Variants in OARD1 observed in about 807,000 individuals in gnomAD.
OARD1 encodes the protein O-acyl-ADP-ribose deacylase 1.
Under a neutral mutation model 19.7 loss-of-function variants are expected in OARD1, and 19 were observed. The observed-to-expected ratio is 0.96, with a 90% CI of 0.67 to 1.41. OARD1 has a LOEUF of 1.41. Among genes scored for constraint, OARD1 ranks in the 40% most tolerant of loss-of-function variants. The pLI, the probability that OARD1 is intolerant of heterozygous loss-of-function variation, is 0.00. For synonymous variants in OARD1, 70 were observed against 61.8 expected (o/e 1.13, Z -0.62); for missense variants, 190 against 183.8 (o/e 1.03, Z -0.20).
At chr6:41,091,165 T>G (rs1021976036) in intron 1 of OARD1, among the ~76,000 whole-genome samples, 1 of 152,232 alleles carries the variant, frequency 6.6e-6, no homozygotes, top group East Asian at 1.9e-4. Context: ...AAACAAAGTA[T>G]AAGTTTTAAA....
upstream of OARD1, chr6:41,072,556 A>T (rs943137614): frequency 6.6e-6 from 1 of 151,082 alleles, no homozygotes; most frequent in South Asian, 2.1e-4. Context: ...AAGGCCGCCG[A>T]ACTTCCGGCA....
At chr6:41,084,834 C>A (rs947477907) in intron 1 of OARD1, among the ~76,000 whole-genome samples, 2 of 152,118 alleles carry the variant, frequency 1.3e-5, no homozygotes, top group Non-Finnish European at 2.9e-5. Context: ...TGGTGGCACG[C>A]ACCTGTAATC....
At chr6:41,092,936 C>T in intron 1 of OARD1, 2 of 1,613,676 alleles carry the variant, frequency 1.2e-6, no homozygotes, top group Non-Finnish European at 8.5e-7. Flanking sequence ...TGGCTCTGTG[C>T]CTGCTATCCA....
chr6:41,080,962 G>A (rs1763889483), intron 1 of OARD1: 2 of 1,319,972 alleles, frequency 1.5e-6, no homozygotes, highest in East Asian at 4.7e-5. Context: ...GTCTGGTGCT[G>A]TTTGTGTTAG....
intron 1 of OARD1, among the ~76,000 whole-genome samples, chr6:41,085,632 G>T (rs529602637): frequency 3.9e-4 from 60 of 152,046 alleles, no homozygotes; most frequent in Admixed American, 1.3e-3. Context: ...AATTTAAGTT[G>T]AAAAAAGCAG....
chr6:41,081,476 C>T (rs1403313826), intron 1 of OARD1, among the ~76,000 whole-genome samples: 3 of 150,134 alleles, frequency 2.0e-5, no homozygotes, highest in East Asian at 3.9e-4. Context: ...GGTGACAGAG[C>T]GAGACTCCGT....
At chr6:41,074,079 C>G (rs1763654428), upstream of OARD1, among the ~76,000 whole-genome samples, 1 of 152,236 alleles carries the variant, frequency 6.6e-6, no homozygotes, top group Non-Finnish European at 1.5e-5. Context: ...AAATCTCCCT[C>G]CCTTGGGAAT....
intron 1 of OARD1, among the ~76,000 whole-genome samples, chr6:41,082,747 TGCAA>T (rs756342880): frequency 1.7e-3 from 259 of 152,364 alleles, no homozygotes; most frequent in Non-Finnish European, 2.8e-3. Flanking sequence ...ATACAGAATA[TGCAA>T]GCATTTGGTG....
chr6:41,095,547 T>C (rs1764325933), intron 1 of OARD1, among the ~76,000 whole-genome samples: 1 of 152,132 alleles, frequency 6.6e-6, no homozygotes, highest in Non-Finnish European at 1.5e-5. Flanking sequence ...CCTCCCACTT[T>C]AGGCTCCCGA....
intron 1 of OARD1, among the ~76,000 whole-genome samples, chr6:41,096,475 C>T (rs1260924234): frequency 6.6e-6 from 1 of 152,202 alleles, no homozygotes; most frequent in Non-Finnish European, 1.5e-5. Flanking sequence ...ACTGTTGATA[C>T]TTCACAGCAA....
upstream of OARD1, among the ~76,000 whole-genome samples, chr6:41,077,173 G>T (rs974308535): frequency 2.6e-5 from 4 of 152,098 alleles, no homozygotes; most frequent in African/African-American, 9.7e-5. Context: ...GAGTTGGGGA[G>T]GCGTTGAAAC....
At position 41,069,806 on chromosome 6, in the gene OARD1, T is replaced by C. The variant is rs1763228271; in HGVS notation, c.243+270A>G. ...ATAGTATGGCAGGCATTCCTAACTT[T>C]TGCAAGTCTTAGAACAGGCCTATGG... On this transcript the variant is annotated intron_variant, in intron 4 of 5. Coordinates refer to ENST00000424266, the MANE Select transcript of OARD1 (RefSeq NM_001329686.2). 1.5e-5 allele frequency: 7 copies of C among 452,926 alleles called. No homozygotes were observed. The East Asian group carries it at 2.7e-4, about 18-fold the overall frequency. 28.1% of individuals were successfully genotyped at this position (452,926 alleles called of 1,614,324 possible). A position where few individuals can be genotyped will look rare whatever the true frequency, so the allele number is the denominator to read the frequency against.
chr6:41,069,999 G>A lies in OARD1; in HGVS notation c.243+77C>T, dbSNP rs763263511. The A allele has an allele frequency of 1.7e-5, 15 of 862,480 alleles. No homozygotes were observed. In the African/African-American group the frequency reaches 2.5e-4, roughly 14 times the overall value. 53.4% of individuals were successfully genotyped at this position (862,480 alleles called of 1,614,324 possible). ...ACATCATGATCAACACAAATGCAGT[G>A]CAGCCCATCTGTTCACAAATCCTTA... On this transcript the variant is annotated intron_variant, in intron 4 of 5. Coordinates refer to ENST00000424266, the MANE Select transcript of OARD1 (RefSeq NM_001329686.2).
chr6:41,085,673 G>C (rs1328637260), intron 1 of OARD1, among the ~76,000 whole-genome samples: 3 of 151,960 alleles, frequency 2.0e-5, no homozygotes, highest in Non-Finnish European at 2.9e-5. Context: ...AATCAAACTT[G>C]TACTTTTTGT....
intron 1 of OARD1, chr6:41,080,935 A>G (rs1276650464): frequency 6.6e-7 from 1 of 1,506,476 alleles, no homozygotes; most frequent in South Asian, 1.1e-5. Flanking sequence ...CACTGCATGA[A>G]CTTCTCCTCT....
intron 5 of OARD1, among the ~76,000 whole-genome samples, 185 bp from the exon 6 acceptor site, chr6:41,067,622 G>C (rs1763086819): frequency 6.6e-6 from 1 of 152,168 alleles, no homozygotes; most frequent in African/African-American, 2.4e-5. Flanking sequence ...TTCCTAGACA[G>C]CTCTAACATC....
chr6:41,096,304 C>T (rs1582039340), intron 1 of OARD1, among the ~76,000 whole-genome samples: 1 of 152,186 alleles, frequency 6.6e-6, no homozygotes, highest in Non-Finnish European at 1.5e-5. Context: ...GTGTGAGAGC[C>T]CCTCCTTTCT....
intron 1 of OARD1, among the ~76,000 whole-genome samples, chr6:41,083,082 C>A (rs1763952719): frequency 6.6e-6 from 1 of 152,202 alleles, no homozygotes; most frequent in South Asian, 2.1e-4. Flanking sequence ...TAAGTAATTT[C>A]TGTCAAAGAT....
At chr6:41,094,485 T>C (rs766683975) in intron 1 of OARD1, 1 of 1,613,560 alleles carries the variant, frequency 6.2e-7, no homozygotes, top group South Asian at 1.1e-5. Context: ...AAAAGGATAG[T>C]CCCCATATGC....
Sources: gnomAD v4.1 joint callset for allele counts (sites outside exome capture counted in the v4.1 genomes callset) on GRCh38, gnomAD v4.1.1 for gene constraint, MANE v1.5 for transcripts, NCBI Gene and HGNC (gene_info 2026-07-23, HGNC 2026-07-21) for gene names.